The following SLC27A1 variants were observed in gnomAD, a reference collection of about 807,000 sequenced individuals.
SLC27A1 encodes long-chain fatty acid transport protein 1.
In SLC27A1, 61 loss-of-function variants were observed where a neutral mutation model predicts 62.2. The observed-to-expected ratio is 0.98, with a 90% confidence interval of 0.80 to 1.21. The LOEUF (loss-of-function observed/expected upper bound fraction) is 1.21, where lower values mean the gene tolerates loss of function less well. Among genes scored for constraint, SLC27A1 ranks in the 50% most tolerant of loss-of-function variants. The probability of loss-of-function intolerance (pLI) is 0.00; values close to 1 mark genes in which losing one functional copy is unlikely to be tolerated. For missense variants in SLC27A1, 903 were observed against 932.1 expected, an observed-to-expected ratio of 0.97 and a Z score of 0.41; for synonymous variants, 435 against 408.6, an observed-to-expected ratio of 1.06 and a Z score of -0.78.
intron 1 of SLC27A1, among the ~76,000 whole-genome samples, chr19:17,472,691 T>C (rs1599636676): frequency 6.6e-6 from 1 of 152,140 alleles, no homozygotes; most frequent in East Asian, 2.0e-4. Flanking sequence ...CATGCCCAGC[T>C]AATTTTTGTA....
chr19:17,475,989 G>A (rs980482210), intron 1 of SLC27A1, among the ~76,000 whole-genome samples: 2 of 152,182 alleles, frequency 1.3e-5, no homozygotes, highest in African/African-American at 2.4e-5. Context: ...GGAGGCTGGG[G>A]GTGAATCCTC....
intron 6 of SLC27A1, chr19:17,489,725 G>A (rs919997482): frequency 6.5e-6 from 1 of 152,888 alleles, no homozygotes; most frequent in Non-Finnish European, 1.5e-5. Context: ...GGCATCTGCT[G>A]TCCCGGAGAG....
intron 6 of SLC27A1, chr19:17,496,830 TGCTTGAGGCCAGGAGTTCAAGACCA>T (rs1223313452): frequency 1.9e-5 from 3 of 159,308 alleles, no homozygotes; most frequent in African/African-American, 7.2e-5. Flanking sequence ...GCAGGAGGAT[TGCTTGAGGCCAGGAGTTCAAGACCA>T]GCCTGGGCAA....
chr19:17,474,445 C>G (rs12327612), intron 1 of SLC27A1, among the ~76,000 whole-genome samples: 46,011 of 151,902 alleles, frequency 0.3, 7,288 homozygotes, highest in South Asian at 0.38. Context: ...TCTCCCTCCT[C>G]TCCAGCTCTG....
chr19:17,497,589 C>T (rs1568422542), intron 7 of SLC27A1, 125 bp downstream of exon 7: 9 of 869,606 alleles, frequency 1.0e-5, no homozygotes, highest in Non-Finnish European at 1.3e-5. Context: ...CCAAGGCGCA[C>T]GCAGGGCGGG....
intron 1 of SLC27A1, among the ~76,000 whole-genome samples, chr19:17,476,890 T>G (rs116634502): frequency 0.49 from 71,968 of 146,016 alleles, 18,087 homozygotes; most frequent in South Asian, 0.56. Flanking sequence ...TCTGTTTTTT[T>G]TTTTTTTTTT....
chr19:17,490,607 G>A (rs1004175937), intron 6 of SLC27A1, among the ~76,000 whole-genome samples: 5 of 151,922 alleles, frequency 3.3e-5, no homozygotes, highest in Admixed American at 6.6e-5. Flanking sequence ...TCCTCCCCTC[G>A]GTGATGGCAT....
upstream of SLC27A1, among the ~76,000 whole-genome samples, chr19:17,469,748 C>G (rs1488570835): frequency 2.0e-5 from 3 of 150,794 alleles, no homozygotes; most frequent in African/African-American, 7.3e-5. Context: ...GGAGTGAAAC[C>G]CAGGAGGTGG....
chr19:17,487,356 C>G, intron 3 of SLC27A1, 21 bp downstream of exon 3: 1 of 1,593,882 alleles, frequency 6.3e-7, no homozygotes, highest in Middle Eastern at 1.9e-4. Context: ...GGTGGGACCC[C>G]TGCTCTATCA....
chr19:17,494,617 G>A (rs566515027), intron 6 of SLC27A1, among the ~76,000 whole-genome samples: 1 of 152,088 alleles, frequency 6.6e-6, no homozygotes, highest in Non-Finnish European at 1.5e-5. Context: ...GTGAGCTACC[G>A]TGCCCGGCCA....
In SLC27A1 at chr19:17,487,319, C is replaced by T. The variant is rs748892202; in HGVS notation, c.708C>T (p.Pro236=). The change falls in exon 3 of 12, where the codon CCC becomes CCT. Residue 236 remains proline, a synonymous_variant. Transcript: ENST00000252595. ...EASTAPLAQI[P]SKGMDDRLFY... is the part of the protein sequence containing the mutation. ...CTACTGCCCCCTTGGCACAGATCCC[C>T]AGCAAGGGCATGGACGGTGAGTCAA... The T allele has an allele frequency of 1.2e-6, 2 of 1,611,688 alleles. No homozygotes were observed. The highest frequency in any genetic ancestry group is 4.5e-5 in the East Asian group (2 of 44,822).
chr19:17,500,821 G>A lies in SLC27A1; in HGVS notation c.1581G>A (p.Val527=), dbSNP rs1285221964. ...ENVSTTEVEG[V]LSRLLGQTDV... ...TCTCCACCACCGAGGTGGAGGGCGT[G>A]CTGAGCCGCCTGCTGGGCCAGACAG... Residue 527 remains valine (V), a synonymous_variant, in exon 10 of 12, where the codon GTG becomes GTA. Coordinates refer to ENST00000252595, the MANE Select transcript of SLC27A1 (RefSeq NM_198580.3). The A allele has an allele frequency of 6.2e-7, 1 of 1,611,088 alleles. No individual in the cohort carries two copies. The highest frequency in any genetic ancestry group is 8.5e-7 in the Non-Finnish European group (1 of 1,179,178).
intron 1 of SLC27A1, among the ~76,000 whole-genome samples, chr19:17,477,553 T>C (rs2075136836): frequency 6.8e-6 from 1 of 148,034 alleles, no homozygotes; most frequent in South Asian, 2.1e-4. Context: ...CTTCTTTCTT[T>C]CTTTCTTTCT....
chr19:17,490,786 G>A (rs1267335767), intron 6 of SLC27A1, among the ~76,000 whole-genome samples: 1 of 152,054 alleles, frequency 6.6e-6, no homozygotes, highest in African/African-American at 2.4e-5. Context: ...CCTGTACTTC[G>A]GGAGGCTGAG....
upstream of SLC27A1, among the ~76,000 whole-genome samples, chr19:17,470,076 A>C (rs75369529): frequency 4.1e-4 from 63 of 152,212 alleles, no homozygotes; most frequent in East Asian, 0.011. Flanking sequence ...GAAAGGGGAC[A>C]GGACGTGAAG....
At chr19:17,470,212 C>G (rs2075059794), upstream of SLC27A1, among the ~76,000 whole-genome samples, 1 of 151,458 alleles carries the variant, frequency 6.6e-6, no homozygotes, top group Admixed American at 6.6e-5. Flanking sequence ...GAAGGATGGG[C>G]TCAAAAATAT....
In SLC27A1 at chr19:17,504,604, G is replaced by A. The variant is rs767891140; in HGVS notation, c.1933G>A (p.Ala645Thr). ...CACTCGCATCTGCTCGGGCGCCTTCGCCCTCTGAAGCTGTTCCTCTACTGG... is the reference window on the plus strand; with the variant it reads ...CACTCGCATCTGCTCGGGCGCCTTCACCCTCTGAAGCTGTTCCTCTACTGG... ...VYTRICSGAF[A>T]L Residue 645 changes from alanine (A) to threonine (T), a missense_variant, in exon 12 of 12, where the codon GCC becomes ACC. Transcript: ENST00000252595. The A allele has an allele frequency of 3.5e-5, 57 of 1,613,920 alleles. No individual in the cohort carries two copies. Among genetic ancestry groups the A allele is most frequent in the South Asian group, 9.9e-5 (9 of 91,080 alleles).
At chr19:17,488,156 C>T (rs543777779) in intron 4 of SLC27A1, among the ~76,000 whole-genome samples, 49 of 152,236 alleles carry the variant, frequency 3.2e-4, no homozygotes, top group African/African-American at 1.2e-3. Context: ...GTCAGGAGTT[C>T]GAGACCGTCC....
chr19:17,482,282 G>A (rs2075186185), intron 1 of SLC27A1, among the ~76,000 whole-genome samples: 1 of 152,162 alleles, frequency 6.6e-6, no homozygotes, highest in African/African-American at 2.4e-5. Flanking sequence ...ACTTTGCCGG[G>A]GTGAGGCAGG....
Sources: allele counts gnomAD v4.1 joint callset (sites outside exome capture counted in the v4.1 genomes callset), GRCh38; gene constraint gnomAD v4.1.1; transcripts MANE v1.5; gene names NCBI Gene and HGNC (gene_info 2026-07-23, HGNC 2026-07-21).